Variants in CNTN6 observed in about 807,000 individuals in gnomAD.
The protein encoded by CNTN6 is contactin-6.
CNTN6 carries 137 observed loss-of-function variants against 122.8 expected under a neutral mutation model. That is an observed-to-expected ratio of 1.12 (90% CI 0.97 to 1.29). The LOEUF (loss-of-function observed/expected upper bound fraction) is 1.29, where lower values mean the gene tolerates loss of function less well. Ranked by LOEUF, CNTN6 falls within the 50% of genes most tolerant of loss-of-function variation. The pLI, the probability that CNTN6 is intolerant of heterozygous loss-of-function variation, is 0.00. For synonymous variants in CNTN6, 570 were observed against 426.0 expected, an observed-to-expected ratio of 1.34 and a Z score of -4.16; for missense variants, 1,634 against 1,223.4, an observed-to-expected ratio of 1.34 and a Z score of -5.01.
At chr3:1,179,331 A>G (rs2093512312) in intron 2 of CNTN6, among the ~76,000 whole-genome samples, 1 of 152,140 alleles carries the variant, frequency 6.6e-6, no homozygotes, top group East Asian at 1.9e-4. Flanking sequence ...TCCAAACTAT[A>G]TCAATCTCGG....
rs1164383233 is a variant in CNTN6 at position 1,220,701 on chromosome 3, A to G, written c.70A>G (p.Ser24Gly). 6.2e-7 allele frequency: 1 copy of G among 1,610,166 alleles called. No homozygotes were observed. The highest frequency in any genetic ancestry group is 8.5e-7 in the Non-Finnish European group (1 of 1,178,636). ...TCTTTTCCCAGGTGATGGTCTTTTA[A>G]GCCGTCCTATTTTTACTCAGGAGCC... ...INSSAGDGLL[S>G]RPIFTQEPHD... is the part of the protein sequence containing the mutation. Residue 24 changes from serine (S) to glycine (G), a missense_variant, in exon 3 of 23, where the codon AGC becomes GGC. By Grantham distance (56) the Ser-to-Gly change is moderately conservative (BLOSUM62 0). Transcript: ENST00000446702.
intron 2 of CNTN6, among the ~76,000 whole-genome samples, chr3:1,195,520 G>A (rs189033022): frequency 2.0e-4 from 31 of 152,252 alleles, no homozygotes; most frequent in Non-Finnish European, 3.1e-4. Context: ...TAGAAAGAGT[G>A]CTGTGAAAAC....
chr3:1,343,777 C>T (rs908608764), intron 11 of CNTN6, among the ~76,000 whole-genome samples: 2 of 152,030 alleles, frequency 1.3e-5, no homozygotes, highest in African/African-American at 2.4e-5. Flanking sequence ...TATTACTACT[C>T]ATATCCCCAT....
chr3:1,243,084 C>T (rs923202591), intron 4 of CNTN6, among the ~76,000 whole-genome samples: 19 of 152,144 alleles, frequency 1.2e-4, no homozygotes, highest in East Asian at 3.9e-4. Flanking sequence ...GCTGCTAAGC[C>T]GAGAAGATCT....
At chr3:1,307,610 C>G (rs580407) in intron 7 of CNTN6, among the ~76,000 whole-genome samples, 41,979 of 151,956 alleles carry the variant, frequency 0.28, 8,945 homozygotes, top group African/African-American at 0.6. Context: ...TTATGCCCTT[C>G]TATTCCAAGA....
At chr3:1,383,614 C>T (rs1389374987) in intron 19 of CNTN6, among the ~76,000 whole-genome samples, 3 of 151,850 alleles carry the variant, frequency 2.0e-5, no homozygotes, top group African/African-American at 7.3e-5. Flanking sequence ...TCGCTCAAGA[C>T]AGAATTCGAG....
At chr3:1,363,272 TTC>T (rs1366055027) in intron 12 of CNTN6, among the ~76,000 whole-genome samples, 2 of 151,932 alleles carry the variant, frequency 1.3e-5, no homozygotes, top group Non-Finnish European at 2.9e-5. Context: ...TCTTGGAAAG[TTC>T]TCAGTATACA....
chr3:1,371,519 T>C (rs1483937067), intron 12 of CNTN6, among the ~76,000 whole-genome samples: 1 of 152,094 alleles, frequency 6.6e-6, no homozygotes, highest in Non-Finnish European at 1.5e-5. Context: ...AGAACTTTAT[T>C]ATAAACGAAG....
chr3:1,245,826 T>A (rs1279575412), intron 4 of CNTN6, among the ~76,000 whole-genome samples: 1 of 151,884 alleles, frequency 6.6e-6, no homozygotes, highest in Non-Finnish European at 1.5e-5. Flanking sequence ...AAAGCAGGAG[T>A]GTCCAATCTT....
At chr3:1,392,905 C>A (rs936941839) in intron 20 of CNTN6, among the ~76,000 whole-genome samples, 2 of 124,794 alleles carry the variant, frequency 1.6e-5, no homozygotes, top group African/African-American at 6.1e-5. Context: ...AGTCAGGAAA[C>A]AACAGGTGCT....
At chr3:1,168,042 GTA>G (rs1387016430) in intron 2 of CNTN6, among the ~76,000 whole-genome samples, 1 of 151,982 alleles carries the variant, frequency 6.6e-6, no homozygotes, top group Non-Finnish European at 1.5e-5. Flanking sequence ...CAAGTAGTTG[GTA>G]CTAGAGGTGC....
chr3:1,293,497 C>T (rs1292164590), intron 5 of CNTN6, among the ~76,000 whole-genome samples: 2 of 152,128 alleles, frequency 1.3e-5, no homozygotes, highest in Non-Finnish European at 2.9e-5. Context: ...TTCAGGTGGT[C>T]TCTTCCCAGC....
chr3:1,329,217 A>G (rs1480943964), intron 10 of CNTN6, among the ~76,000 whole-genome samples: 1 of 150,598 alleles, frequency 6.6e-6, no homozygotes, highest in African/African-American at 2.5e-5. Flanking sequence ...ATACATGTAT[A>G]TATATGGATA....
intron 20 of CNTN6, among the ~76,000 whole-genome samples, chr3:1,396,664 A>G (rs1695027239): frequency 6.6e-6 from 1 of 152,130 alleles, no homozygotes; most frequent in Non-Finnish European, 1.5e-5. Flanking sequence ...TTTAGAGGCA[A>G]TTTACTTTCT....
At chr3:1,241,946 A>G (rs994836150) in intron 4 of CNTN6, among the ~76,000 whole-genome samples, 22 of 152,322 alleles carry the variant, frequency 1.4e-4, no homozygotes, top group Non-Finnish European at 2.6e-4. Flanking sequence ...TTGGACAGAA[A>G]GGCTACAGGG....
intron 20 of CNTN6, among the ~76,000 whole-genome samples, chr3:1,393,735 T>C (rs527620607): frequency 9.2e-5 from 14 of 152,056 alleles, no homozygotes; most frequent in Middle Eastern, 3.4e-3. Context: ...ACTTTTATTA[T>C]ACATAATCCC....
chr3:1,147,980 G>C lies in CNTN6; in HGVS notation c.-29G>C. ...CTGTTTTGTTCCACCTGATTGTATG[G>C]GAGAAATTTTTGACCTTAGAAAGTG... On this transcript the variant is annotated 5_prime_UTR_variant, in exon 2 of 23. Coordinates refer to ENST00000446702, the MANE Select transcript of CNTN6 (RefSeq NM_001289080.2). The C allele has an allele frequency of 6.3e-7, 1 of 1,583,876 alleles. No homozygotes were observed. Among genetic ancestry groups the C allele is most frequent in the Non-Finnish European group, 8.7e-7 (1 of 1,154,300 alleles).
chr3:1,381,715 A>G (rs955478272), intron 17 of CNTN6, among the ~76,000 whole-genome samples: 1 of 152,110 alleles, frequency 6.6e-6, no homozygotes, highest in African/African-American at 2.4e-5. Flanking sequence ...TCTAATTTAC[A>G]GCATCTGTTT....
chr3:1,130,508 G>A (rs987633650), intron 1 of CNTN6, among the ~76,000 whole-genome samples: 10 of 152,084 alleles, frequency 6.6e-5, no homozygotes, highest in Non-Finnish European at 1.3e-4. Flanking sequence ...TAGCCCCGTT[G>A]TTGAGTTCCT....
Sources: allele counts gnomAD v4.1 joint callset (sites outside exome capture counted in the v4.1 genomes callset), GRCh38; gene constraint gnomAD v4.1.1; transcripts MANE v1.5; gene names NCBI Gene and HGNC (gene_info 2026-07-23, HGNC 2026-07-21).